VCP: variants seen among roughly 807,000 people sequenced by gnomAD.
VCP encodes transitional endoplasmic reticulum ATPase.
In VCP, 6 loss-of-function variants were observed where a neutral mutation model predicts 85.7. That is an observed-to-expected ratio of 0.07 (90% confidence interval 0.04 to 0.14). VCP has a LOEUF of 0.14. Among genes scored for constraint, VCP ranks in the 10% least tolerant of loss-of-function variants. The pLI, the probability that VCP is intolerant of heterozygous loss-of-function variation, is 1.00. For synonymous variants in VCP, 384 were observed against 367.1 expected, an observed-to-expected ratio of 1.05 and a Z score of -0.53; for missense variants, 353 against 1,043.4, an observed-to-expected ratio of 0.34 and a Z score of 9.12.
chr9:35,057,356 A>G lies in VCP; in HGVS notation c.2315+20T>C. On this transcript the variant is annotated intron_variant, in intron 16 of 16. Transcript: ENST00000358901. Reference sequence around the variant, plus strand: ...CCCCAAAGTAACTTAAGCACTGTCTAATGCTCCCAACCAACTTACCTGAAG... The same window carrying G: ...CCCCAAAGTAACTTAAGCACTGTCTGATGCTCCCAACCAACTTACCTGAAG... 6.2e-7 allele frequency: 1 copy of G among 1,614,246 alleles called. No homozygotes were observed. Among genetic ancestry groups the G allele is most frequent in the Non-Finnish European group, 8.5e-7 (1 of 1,180,044 alleles).
At position 35,057,141 on chromosome 9, in the gene VCP, G is replaced by C. The variant is rs1329151473; in HGVS notation, c.2397C>G (p.Asp799Glu). Reference sequence around the variant, plus strand: ...CTTAGCCATACAGGTCATCATCATTGTCTTCTGTGTATACACTGCCACCTG... The same window carrying C: ...CTTAGCCATACAGGTCATCATCATTCTCTTCTGTGTATACACTGCCACCTG... ...GGTGGSVYTEDNDDDLYG is the reference protein window; with the variant it reads ...GGTGGSVYTEENDDDLYG Residue 799 changes from aspartate to glutamate, a missense_variant, in exon 17 of 17, where the codon GAC (aspartate) becomes GAG (glutamate). Asp to Glu is a conservative substitution (Grantham distance 45, BLOSUM62 2). Around this residue, in one of 8 missense-constraint regions of VCP, gnomAD observed 93 missense variants for 197.1 expected, o/e 0.47. Coordinates refer to ENST00000358901, the MANE Select transcript of VCP (RefSeq NM_007126.5). 6.8e-6 allele frequency: 11 copies of C among 1,613,982 alleles called. No individual in the cohort carries two copies. The highest frequency in any genetic ancestry group is 8.5e-6 in the Non-Finnish European group (10 of 1,180,036).
intron 1 of VCP, among the ~76,000 whole-genome samples, chr9:35,069,106 A>G (rs1378597159): frequency 6.6e-6 from 1 of 152,216 alleles, no homozygotes; most frequent in African/African-American, 2.4e-5. Context: ...ATGCCAGGGC[A>G]TTCCATAGTA....
chr9:35,069,221 T>A (rs1260111166), intron 1 of VCP, among the ~76,000 whole-genome samples: 4 of 152,112 alleles, frequency 2.6e-5, no homozygotes, highest in Non-Finnish European at 5.9e-5. Flanking sequence ...CACAGTAATA[T>A]CTGCAAAAGT....
intron 15 of VCP, 198 bp from the exon 16 acceptor site, chr9:35,057,728 G>A: frequency 1.5e-6 from 1 of 684,060 alleles, no homozygotes; most frequent in South Asian, 1.7e-5. Flanking sequence ...AGGGAAAACT[G>A]TAGGGACAGA....
intron 4 of VCP, 43 bp downstream of exon 4, chr9:35,066,632 T>A (rs1392664808): frequency 3.1e-6 from 5 of 1,610,806 alleles, no homozygotes; most frequent in Non-Finnish European, 4.2e-6. Context: ...CCAAGGTTTA[T>A]TCCCTACAGT....
intron 1 of VCP, among the ~76,000 whole-genome samples, chr9:35,069,446 T>G (rs949454412): frequency 6.5e-4 from 39 of 60,300 alleles, no homozygotes; most frequent in Admixed American, 5.6e-3. Context: ...CCCTCTCCCT[T>G]TTTTTTTTTT....
intron 4 of VCP, 120 bp from the exon 5 acceptor site, chr9:35,065,501 G>T: frequency 7.4e-7 from 1 of 1,356,524 alleles, no homozygotes; most frequent in Non-Finnish European, 1.0e-6. Context: ...ATTAGATATT[G>T]CCCTACCTCT....
rs1468251557 is a variant in VCP at position 35,065,246 on chromosome 9, C to T, written c.576+5G>A. The T allele has an allele frequency of 6.2e-7, 1 of 1,614,104 alleles. No homozygotes were observed. On this transcript the variant is annotated splice_donor_5th_base_variant and intron_variant, in intron 5 of 16. Coordinates refer to ENST00000358901, the MANE Select transcript of VCP (RefSeq NM_007126.5). ...TCGGATACTGGAATCAGGGAGAAAA[C>T]TCACCTCTCGTTTGATAGGCTCCCC...
In VCP at chr9:35,056,680, C is replaced by G. The variant is rs1828612726; in HGVS notation, c.*437G>C. The G allele has an allele frequency of 4.4e-6, 1 of 225,640 alleles. No homozygotes were observed. The highest frequency in any genetic ancestry group is 2.2e-5 in the African/African-American group (1 of 44,522). 14.0% of individuals were successfully genotyped at this position (225,640 alleles called of 1,614,324 possible). On this transcript the variant is annotated 3_prime_UTR_variant, in exon 17 of 17. Coordinates refer to ENST00000358901, the MANE Select transcript of VCP (RefSeq NM_007126.5). The stretch of plus-strand genomic sequence containing the variant: ...AGCATGTAAAATAAATCAACCTACT[C>G]TCTATATAAACATCCAGCAACTGTG...
chr9:35,057,656 G>T (rs1828637646), intron 15 of VCP, 126 bp from the exon 16 acceptor site: 2 of 1,303,510 alleles, frequency 1.5e-6, no homozygotes, highest in Non-Finnish European at 2.2e-6. Context: ...TAAGATGCTA[G>T]GCCATGCTTC....
At chr9:35,060,732 A>G in intron 12 of VCP, 69 bp downstream of exon 12, 2 of 1,612,390 alleles carry the variant, frequency 1.2e-6, no homozygotes, top group East Asian at 2.2e-5. Context: ...ATGTGTTGAC[A>G]CCCTGAGATC....
chr9:35,058,641 C>T (rs1290571773), intron 15 of VCP, among the ~76,000 whole-genome samples: 4 of 152,188 alleles, frequency 2.6e-5, no homozygotes, highest in Non-Finnish European at 5.9e-5. Context: ...GTGGCATGTG[C>T]CTGTAGTCCC....
At chr9:35,072,050 C>T (rs975105903) in intron 1 of VCP, 1 of 1,251,602 alleles carries the variant, frequency 8.0e-7, no homozygotes, top group Non-Finnish European at 1.0e-6. Context: ...GACGTCCGTT[C>T]TAAGGGAGCC....
intron 4 of VCP, 138 bp downstream of exon 4, chr9:35,066,537 C>T: frequency 7.6e-7 from 1 of 1,317,716 alleles, no homozygotes; most frequent in Non-Finnish European, 1.0e-6. Flanking sequence ...GACCCCATCT[C>T]TTAAAAAATG....
At chr9:35,061,758 G>T in intron 9 of VCP, 69 bp from the exon 10 acceptor site, 1 of 1,435,518 alleles carries the variant, frequency 7.0e-7, no homozygotes, top group South Asian at 1.1e-5. Context: ...GGCCTAGGGT[G>T]ACCAACCATC....
chr9:35,067,764 T>C (rs1828861038), intron 3 of VCP, 127 bp downstream of exon 3: 1 of 1,265,428 alleles, frequency 7.9e-7, no homozygotes. Flanking sequence ...AGTCTTCCCA[T>C]GACCAGGAGG....
intron 6 of VCP, 137 bp from the exon 7 acceptor site, chr9:35,063,217 TAAG>T: frequency 2.6e-6 from 2 of 764,090 alleles, no homozygotes; most frequent in Non-Finnish European, 4.5e-6. Flanking sequence ...CAGTAAATGC[TAAG>T]AAGACAATTA....
rs1828862014 is a variant in VCP, at chr9:35,067,804, G to T, written c.302+87C>A. 19 of 1,555,334 alleles carry T rather than the reference G, an allele frequency of 1.2e-5. No homozygotes were observed. In the South Asian group the frequency reaches 2.0e-4, roughly 17 times the overall value. ...CTGCATCGACAGGTGCCAAGAACTTGGTCCTGCCTGTAATACATGGGTCCT... is the reference window on the plus strand; with the variant it reads ...CTGCATCGACAGGTGCCAAGAACTTTGTCCTGCCTGTAATACATGGGTCCT... On this transcript the variant is annotated intron_variant, in intron 3 of 16. Coordinates refer to ENST00000358901, the MANE Select transcript of VCP (RefSeq NM_007126.5).
chr9:35,063,349 T>C (rs1162538813), intron 6 of VCP, among the ~76,000 whole-genome samples: 1 of 152,196 alleles, frequency 6.6e-6, no homozygotes, highest in Admixed American at 6.5e-5. Context: ...CCAAATGCGT[T>C]TGAAGATACA....
Sources: gnomAD v4.1 joint callset for allele counts (sites outside exome capture counted in the v4.1 genomes callset) on GRCh38, gnomAD v4.1.1 for gene constraint, gnomAD v4.1.1 regional missense constraint, MANE v1.5 for transcripts, NCBI Gene and HGNC (gene_info 2026-07-23, HGNC 2026-07-21) for gene names.